UBA5: variants seen among roughly 807,000 people sequenced by gnomAD.
The protein encoded by UBA5 is ubiquitin-like modifier-activating enzyme 5.
UBA5 carries 28 observed loss-of-function variants against 52.9 expected under a neutral mutation model. That is an observed-to-expected ratio of 0.53 (90% CI 0.39 to 0.73). The LOEUF is 0.73. UBA5 is among the 30% of genes least tolerant of loss of function. The pLI is 0.00. For missense variants in UBA5, 388 were observed against 492.7 expected (o/e 0.79, Z 2.01); for synonymous variants, 135 against 162.1 (o/e 0.83, Z 1.27).
chr3:132,674,250 G>A (rs1938733744), intron 8 of UBA5, among the ~76,000 whole-genome samples: 1 of 152,128 alleles, frequency 6.6e-6, no homozygotes, highest in Non-Finnish European at 1.5e-5. Context: ...TTAAGAATGT[G>A]TATTTGCAAA....
intron 3 of UBA5, 194 bp from the exon 4 acceptor site, chr3:132,668,624 A>T: frequency 5.4e-6 from 2 of 373,480 alleles, no homozygotes; most frequent in South Asian, 1.1e-4. Context: ...CTCATTTTAA[A>T]AATAAGGATA....
At position 132,678,262 on chromosome 3, in the gene UBA5, T is replaced by C. The variant is rs1288713174; in HGVS notation, c.*1736T>C. On this transcript the variant is annotated 3_prime_UTR_variant, in exon 12 of 12. Transcript: ENST00000356232. ...TTTAACCAGAAAAAAAATCTGGTAA[T>C]AGAGATGTTGCTATCCTAGAATACT... Among the ~76,000 whole-genome samples the C allele has an allele frequency of 1.3e-5, 2 of 152,216 alleles. No homozygotes were observed. The highest frequency in any genetic ancestry group is 2.9e-5 in the Non-Finnish European group (2 of 68,034).
upstream of UBA5, among the ~76,000 whole-genome samples, chr3:132,656,683 G>A (rs760332635): frequency 6.6e-6 from 1 of 151,850 alleles, no homozygotes; most frequent in African/African-American, 2.4e-5. Context: ...TAGTAGAGAC[G>A]GGGTTTCACC....
chr3:132,665,910 T>C (rs991148368), intron 2 of UBA5, 42 bp downstream of exon 2: 3 of 1,611,326 alleles, frequency 1.9e-6, no homozygotes, highest in Non-Finnish European at 2.5e-6. Flanking sequence ...ATTAATTCAG[T>C]AAATTAAAAT....
At chr3:132,664,794 C>T (rs1192942995) in intron 1 of UBA5, among the ~76,000 whole-genome samples, 1 of 151,966 alleles carries the variant, frequency 6.6e-6, no homozygotes, top group Admixed American at 6.6e-5. Context: ...GCTGTATGTG[C>T]AGTAAGTCTA....
intron 8 of UBA5, among the ~76,000 whole-genome samples, chr3:132,674,797 G>T (rs1356378888): frequency 6.6e-6 from 1 of 152,140 alleles, no homozygotes; most frequent in Admixed American, 6.5e-5. Context: ...AAATTTTATT[G>T]AGCTATACAT....
At chr3:132,665,726 T>G (rs111682823) in intron 1 of UBA5, 97 bp from the exon 2 acceptor site, 1 of 1,197,006 alleles carries the variant, frequency 8.4e-7, no homozygotes, top group African/African-American at 1.5e-5. Flanking sequence ...GTAATGATTA[T>G]ATTTTGGTGT....
chr3:132,663,171 G>T (rs966121384), intron 1 of UBA5, among the ~76,000 whole-genome samples: 1 of 152,034 alleles, frequency 6.6e-6, no homozygotes, highest in Admixed American at 6.6e-5. Flanking sequence ...CCAGTTTATT[G>T]CAAGAATCCC....
rs776579431 is a variant in UBA5, at chr3:132,672,108, G to A, written c.743G>A (p.Gly248Asp). Residue 248 changes from glycine to aspartate, a missense_variant, in exon 8 of 12, where the codon GGT (glycine) becomes GAT (aspartate). Coordinates refer to ENST00000356232, the MANE Select transcript of UBA5 (RefSeq NM_024818.6). ...GATGAAAAGACTCTGAAACGAGAAG[G>A]TGTTTGTGCAGCCAGTCTTCCTACC... ...NIDEKTLKRE[G>D]VCAASLPTTM... The A allele has an allele frequency of 3.1e-6, 5 of 1,614,014 alleles. No individual in the cohort carries two copies. Among genetic ancestry groups the A allele is most frequent in the Non-Finnish European group, 4.2e-6 (5 of 1,179,944 alleles).
chr3:132,660,791 G>C lies in UBA5; in HGVS notation c.161+93G>C, dbSNP rs73000577. 7,678 of 1,450,370 alleles carry C rather than the reference G, an allele frequency of 5.3e-3. 342 individuals carry two copies. The African/African-American group carries it at 0.094, about 18-fold the overall frequency. 89.8% of individuals were successfully genotyped at this position (1,450,370 alleles called of 1,614,324 possible). A position where few individuals can be genotyped will look rare whatever the true frequency, so the allele number is the denominator to read the frequency against. On this transcript the variant is annotated intron_variant, in intron 1 of 11. Coordinates refer to ENST00000356232, the MANE Select transcript of UBA5 (RefSeq NM_024818.6). This position sits in a 1 kb window ranked among gnomAD's most constrained non-coding sequence, Gnocchi z 4.1. ...GGCGCTTCCCACGTCCCGCTCATGG[G>C]GACGCCCGCCACCCTTTTCTTGGTC...
chr3:132,668,647 T>G, intron 3 of UBA5, 171 bp from the exon 4 acceptor site: 1 of 471,720 alleles, frequency 2.1e-6, no homozygotes, highest in South Asian at 3.2e-5. Context: ...AGTACCTACA[T>G]GCCTCACATG....
At chr3:132,663,191 T>A (rs181672995) in intron 1 of UBA5, among the ~76,000 whole-genome samples, 2 of 152,070 alleles carry the variant, frequency 1.3e-5, no homozygotes, top group African/African-American at 4.8e-5. Flanking sequence ...CCCAAAAGGC[T>A]CAGGAATAGG....
At chr3:132,673,443 G>A (rs952309687) in intron 8 of UBA5, among the ~76,000 whole-genome samples, 1 of 152,044 alleles carries the variant, frequency 6.6e-6, no homozygotes, top group Non-Finnish European at 1.5e-5. Flanking sequence ...AACCTCCTGA[G>A]CTCAAGTGAT....
chr3:132,660,445 C>T lies in UBA5; in HGVS notation c.-93C>T. ...TAGGAAGGCAGCGGCGAGGTGCCTC[C>T]CCACGTACCCCTCGCGGGCCCAGCC... On this transcript the variant is annotated 5_prime_UTR_variant, in exon 1 of 12. Coordinates refer to ENST00000356232, the MANE Select transcript of UBA5 (RefSeq NM_024818.6). This position sits in a 1 kb window ranked among gnomAD's most constrained non-coding sequence, Gnocchi z 4.1. 1 of 1,483,714 alleles carries T rather than the reference C, an allele frequency of 6.7e-7. No individual in the cohort carries two copies. The highest frequency in any genetic ancestry group is 9.0e-7 in the Non-Finnish European group (1 of 1,105,352). The allele number at this position is 1,483,714 out of a possible 1,614,324, so 91.9% of individuals were successfully genotyped here.
At chr3:132,655,882 A>T (rs148623089), upstream of UBA5, among the ~76,000 whole-genome samples, 2 of 152,240 alleles carry the variant, frequency 1.3e-5, no homozygotes, top group African/African-American at 2.4e-5. Context: ...TAAATATTTT[A>T]TCTTTCCAAT....
At chr3:132,661,121 G>C in intron 1 of UBA5, 1 of 1,237,178 alleles carries the variant, frequency 8.1e-7, no homozygotes, top group East Asian at 5.6e-5. Context: ...AGCGGGGTTA[G>C]CTCTATTCTG....
Position 132,678,706 on chromosome 3 carries a change from G to A in UBA5, c.*2180G>A, listed in dbSNP as rs937671871. On this transcript the variant is annotated 3_prime_UTR_variant, in exon 12 of 12. Transcript: ENST00000356232. ...ACTCTGTTGCCCAGGCTGGAGTGCAGTGGCACGATCTCAGCTCACCACATC... is the reference window on the plus strand; with the variant it reads ...ACTCTGTTGCCCAGGCTGGAGTGCAATGGCACGATCTCAGCTCACCACATC... Among the ~76,000 whole-genome samples the A allele has an allele frequency of 5.9e-5, 9 of 152,000 alleles. No individual in the cohort carries two copies. The highest frequency in any genetic ancestry group is 2.0e-4 in the Admixed American group (3 of 15,254).
At chr3:132,660,056 G>A (rs1576635519), upstream of UBA5, 1 of 377,310 alleles carries the variant, frequency 2.7e-6, no homozygotes, top group Non-Finnish European at 4.7e-6. The surrounding 1 kb of genome is among the most constrained non-coding windows in gnomAD (Gnocchi z 4.1). Flanking sequence ...TGCGGGTAAG[G>A]AACAACGCAG....
Position 132,660,906 on chromosome 3 carries a change from G to A in UBA5, c.161+208G>A. ...TTTTTTAAAAACCTCCAGTGAGTCAGCCATATGGTGCTGCTCCTGTGCCTG... is the reference window on the plus strand; with the variant it reads ...TTTTTTAAAAACCTCCAGTGAGTCAACCATATGGTGCTGCTCCTGTGCCTG... On this transcript the variant is annotated intron_variant, in intron 1 of 11. Coordinates refer to ENST00000356232, the MANE Select transcript of UBA5 (RefSeq NM_024818.6). This position sits in a 1 kb window ranked among gnomAD's most constrained non-coding sequence, Gnocchi z 4.1. 6.8e-7 allele frequency: 1 copy of A among 1,464,760 alleles called. No homozygotes were observed. The highest frequency in any genetic ancestry group is 9.0e-7 in the Non-Finnish European group (1 of 1,111,490). The allele number at this position is 1,464,760 out of a possible 1,614,324, so 90.7% of individuals were successfully genotyped here. A position where few individuals can be genotyped will look rare whatever the true frequency, so the allele number is the denominator to read the frequency against.
Sources: allele counts gnomAD v4.1 joint callset (sites outside exome capture counted in the v4.1 genomes callset), GRCh38; gene constraint gnomAD v4.1.1; non-coding constraint Gnocchi (gnomAD v3.1); transcripts MANE v1.5; gene names NCBI Gene and HGNC (gene_info 2026-07-23, HGNC 2026-07-21).